ITGB6: variants seen among roughly 807,000 people sequenced by gnomAD.
The protein encoded by ITGB6 is integrin beta-6.
In ITGB6, 80 loss-of-function variants were observed where a neutral mutation model predicts 84.5. The observed-to-expected ratio is 0.95, with a 90% confidence interval of 0.79 to 1.14. The LOEUF (loss-of-function observed/expected upper bound fraction) is 1.14. Among genes scored for constraint, ITGB6 ranks in the 50% most tolerant of loss-of-function variants. The pLI, the probability that ITGB6 is intolerant of heterozygous loss-of-function variation, is 0.00. For synonymous variants in ITGB6, 383 were observed against 354.9 expected, an observed-to-expected ratio of 1.08 and a Z score of -0.89; for missense variants, 1,006 against 968.0, an observed-to-expected ratio of 1.04 and a Z score of -0.52.
At chr2:160,162,346 A>G (rs1684850043) in intron 7 of ITGB6, among the ~76,000 whole-genome samples, 1 of 152,212 alleles carries the variant, frequency 6.6e-6, no homozygotes, top group African/African-American at 2.4e-5. Context: ...ATAATTAGTT[A>G]TGGATGTACA....
chr2:160,131,821 G>A (rs1332092351), intron 10 of ITGB6, among the ~76,000 whole-genome samples: 1 of 152,138 alleles, frequency 6.6e-6, no homozygotes, highest in Non-Finnish European at 1.5e-5. Context: ...GAGACGCACT[G>A]TTGTCAGAAC....
At chr2:160,145,163 C>A (rs1684142800) in intron 7 of ITGB6, among the ~76,000 whole-genome samples, 1 of 152,034 alleles carries the variant, frequency 6.6e-6, no homozygotes, top group Non-Finnish European at 1.5e-5. Context: ...TTTTGCATGC[C>A]TGGATGTGAT....
At position 160,100,620 on chromosome 2, in the gene ITGB6, A is replaced by G. The variant is rs1574023756; in HGVS notation, c.*1116T>C. On this transcript the variant is annotated 3_prime_UTR_variant, in exon 15 of 15. Transcript: ENST00000283249. ...ATTCTAGAGTCCATCTCTTCCATCA[A>G]CTGATGGATCCCTAATTTGCACATG... The G allele has an allele frequency of 1.5e-5, 2 of 134,844 alleles. No individual in the cohort carries two copies. The highest frequency in any genetic ancestry group is 4.3e-4 in the East Asian group (2 of 4,636). The allele number at this position is 134,844 out of a possible 1,614,324, so 8.4% of individuals were successfully genotyped here.
chr2:160,185,207 A>G (rs1685846186), intron 4 of ITGB6, among the ~76,000 whole-genome samples: 1 of 152,238 alleles, frequency 6.6e-6, no homozygotes, highest in African/African-American at 2.4e-5. Flanking sequence ...TTTGCAGATG[A>G]CAAGATTGTA....
intron 14 of ITGB6, among the ~76,000 whole-genome samples, chr2:160,103,350 T>C (rs770377150): frequency 9.2e-5 from 14 of 152,346 alleles, no homozygotes; most frequent in Admixed American, 4.6e-4. Flanking sequence ...CCAGAGCCAG[T>C]GGCCTGACCT....
At chr2:160,181,898 C>T (rs142254797) in intron 4 of ITGB6, among the ~76,000 whole-genome samples, 6,811 of 152,170 alleles carry the variant, frequency 0.045, 191 homozygotes, top group Middle Eastern at 0.11. Flanking sequence ...AGCAGAGGGG[C>T]CTGATTGTTA....
intron 13 of ITGB6, among the ~76,000 whole-genome samples, chr2:160,110,715 C>T (rs769962997): frequency 5.9e-5 from 9 of 152,136 alleles, no homozygotes; most frequent in Non-Finnish European, 1.0e-4. Context: ...GGGGATCAGC[C>T]CCTTTCTCAC....
chr2:160,198,632 G>A (rs1686436442), intron 2 of ITGB6, among the ~76,000 whole-genome samples: 1 of 152,056 alleles, frequency 6.6e-6, no homozygotes, highest in South Asian at 2.1e-4. Flanking sequence ...GTTCCTATTT[G>A]GCACTTTGTC....
At chr2:160,188,529 T>A (rs1439342884) in intron 4 of ITGB6, among the ~76,000 whole-genome samples, 2 of 152,162 alleles carry the variant, frequency 1.3e-5, no homozygotes, top group Non-Finnish European at 2.9e-5. Flanking sequence ...TTTTTGTTAA[T>A]AGTACCTCTT....
intron 10 of ITGB6, among the ~76,000 whole-genome samples, chr2:160,135,989 C>A (rs1467397397): frequency 2.6e-5 from 4 of 152,182 alleles, no homozygotes; most frequent in African/African-American, 9.7e-5. Context: ...GGGACATAGG[C>A]ATGAGCAAGG....
chr2:160,197,075 T>C (rs1223688101), intron 2 of ITGB6, among the ~76,000 whole-genome samples: 1 of 152,150 alleles, frequency 6.6e-6, no homozygotes, highest in African/African-American at 2.4e-5. Flanking sequence ...AGTCTTGAAG[T>C]ATCCTAGTTC....
At chr2:160,182,354 C>T (rs991563050) in intron 4 of ITGB6, among the ~76,000 whole-genome samples, 1 of 152,072 alleles carries the variant, frequency 6.6e-6, no homozygotes, top group African/African-American at 2.4e-5. Flanking sequence ...CATACACAAG[C>T]ATCAATATCT....
chr2:160,126,833 C>T (rs1471080443), intron 10 of ITGB6, among the ~76,000 whole-genome samples: 1 of 152,192 alleles, frequency 6.6e-6, no homozygotes, highest in Non-Finnish European at 1.5e-5. Context: ...GATCCACTTG[C>T]TTACTTTATG....
chr2:160,174,709 T>TA (rs1396163579), intron 4 of ITGB6, among the ~76,000 whole-genome samples: 3 of 152,296 alleles, frequency 2.0e-5, no homozygotes, highest in African/African-American at 7.2e-5. Context: ...GGTACAATGT[T>TA]ACGATGAAAT....
At chr2:160,159,872 T>C (rs1241693377) in intron 7 of ITGB6, among the ~76,000 whole-genome samples, 14 of 152,176 alleles carry the variant, frequency 9.2e-5, no homozygotes, top group Admixed American at 9.2e-4. Flanking sequence ...AAAGTTGTAA[T>C]TGGTTGTTTT....
intron 12 of ITGB6, among the ~76,000 whole-genome samples, chr2:160,120,047 G>A (rs1682963727): frequency 6.6e-6 from 1 of 150,868 alleles, no homozygotes; most frequent in African/African-American, 2.4e-5. Flanking sequence ...GGAGAAATAG[G>A]AACACTTTTA....
rs150012027 is a variant in ITGB6, at chr2:160,162,919, G to A, written c.1017+6293C>T. On this transcript the variant is annotated intron_variant, in intron 7 of 14. Transcript: ENST00000283249. ...CAGGCGTGAGCCACTGCACCCGGCC[G>A]AGTGTTTATTATATTACGCCATTTT... Among the ~76,000 whole-genome samples the A allele has an allele frequency of 6.6e-5, 10 of 152,038 alleles. No homozygotes were observed. The East Asian group carries it at 1.6e-3, about 24-fold the overall frequency.
intron 12 of ITGB6, among the ~76,000 whole-genome samples, chr2:160,112,657 G>A (rs1445290481): frequency 6.6e-6 from 1 of 152,200 alleles, no homozygotes; most frequent in African/African-American, 2.4e-5. Context: ...TGCTGGCCAT[G>A]TATTGTGGTA....
chr2:160,162,225 A>G (rs1684844706), intron 7 of ITGB6, among the ~76,000 whole-genome samples: 1 of 152,206 alleles, frequency 6.6e-6, no homozygotes, highest in South Asian at 2.1e-4. Flanking sequence ...TATGTATCTT[A>G]CCATAATAAG....
Sources: gnomAD v4.1 joint callset for allele counts (sites outside exome capture counted in the v4.1 genomes callset) on GRCh38, gnomAD v4.1.1 for gene constraint, MANE v1.5 for transcripts, NCBI Gene and HGNC (gene_info 2026-07-23, HGNC 2026-07-21) for gene names.